Variants in CSMD1 observed in about 807,000 individuals in gnomAD.
The protein encoded by CSMD1 is CUB and Sushi multiple domains 1, also known as CUB and sushi domain-containing protein 1.
A neutral mutation model predicts 417.5 loss-of-function variants in CSMD1; 213 were observed. That is an observed-to-expected ratio of 0.51 (90% CI 0.46 to 0.57). The LOEUF is 0.57. Ranked by LOEUF, CSMD1 falls within the 20% of genes least tolerant of loss-of-function variation. The probability of loss-of-function intolerance (pLI) is 0.00; values close to 1 mark genes in which losing one functional copy is unlikely to be tolerated. For missense variants in CSMD1, 6,923 were observed against 4,529.7 expected (o/e 1.53, Z -15.17); for synonymous variants, 2,862 against 1,736.8 (o/e 1.65, Z -16.11).
At chr8:4,403,371 C>G (rs563416558) in intron 3 of CSMD1, among the ~76,000 whole-genome samples, 1 of 152,250 alleles carries the variant, frequency 6.6e-6, no homozygotes, top group East Asian at 1.9e-4. Flanking sequence ...CTCTACTTGA[C>G]CTCTCTAACT....
At chr8:3,633,930 A>G in intron 7 of CSMD1, among the ~76,000 whole-genome samples, 1 of 152,214 alleles carries the variant, frequency 6.6e-6, no homozygotes, top group Admixed American at 6.5e-5. Flanking sequence ...AATACATAAA[A>G]TATATCATTC....
chr8:4,469,331 GAA>G (rs1322946092), intron 2 of CSMD1, among the ~76,000 whole-genome samples: 9 of 152,156 alleles, frequency 5.9e-5, no homozygotes, highest in South Asian at 4.1e-4. Context: ...TCGGCTTTCT[GAA>G]AAGTCTTGTT....
intron 2 of CSMD1, among the ~76,000 whole-genome samples, chr8:4,433,781 T>A (rs747884707): frequency 6.6e-6 from 1 of 152,152 alleles, no homozygotes; most frequent in Non-Finnish European, 1.5e-5. Flanking sequence ...AGTTTAAAAT[T>A]TGTGTCTATT....
At chr8:3,904,512 T>C (rs894360682) in intron 5 of CSMD1, among the ~76,000 whole-genome samples, 3 of 152,200 alleles carry the variant, frequency 2.0e-5, no homozygotes, top group Non-Finnish European at 4.4e-5. Flanking sequence ...TATTCCACAT[T>C]TCTAAGAAAC....
chr8:3,911,872 A>G (rs1808487832), intron 5 of CSMD1, among the ~76,000 whole-genome samples: 1 of 152,304 alleles, frequency 6.6e-6, no homozygotes, highest in East Asian at 1.9e-4. Flanking sequence ...TCTGTGTTCC[A>G]TCTTCTTACC....
chr8:4,089,115 C>G (rs528500064), intron 3 of CSMD1, among the ~76,000 whole-genome samples: 2 of 152,194 alleles, frequency 1.3e-5, no homozygotes, highest in East Asian at 1.9e-4. Flanking sequence ...TAACACAATC[C>G]TCTCAGGGAT....
At chr8:4,314,744 C>T (rs1284274717) in intron 3 of CSMD1, among the ~76,000 whole-genome samples, 1 of 152,180 alleles carries the variant, frequency 6.6e-6, no homozygotes, top group Non-Finnish European at 1.5e-5. Flanking sequence ...CTCATTTACA[C>T]ATCTGACCCA....
intron 23 of CSMD1, among the ~76,000 whole-genome samples, chr8:3,318,488 G>C (rs1325660549): frequency 6.6e-6 from 1 of 152,296 alleles, no homozygotes. Flanking sequence ...AGTCTGTGTA[G>C]ATAAAAGATA....
At chr8:4,049,194 G>A (rs374458775) in intron 3 of CSMD1, among the ~76,000 whole-genome samples, 81 of 151,932 alleles carry the variant, frequency 5.3e-4, no homozygotes, top group Non-Finnish European at 1.1e-3. Context: ...TAGGTGTTGC[G>A]TCTTTCTCTA....
intron 1 of CSMD1, among the ~76,000 whole-genome samples, chr8:4,893,477 C>T (rs1474465647): frequency 6.6e-6 from 1 of 152,154 alleles, no homozygotes; most frequent in East Asian, 1.9e-4. Context: ...TCTTTAAGAG[C>T]TTCCCAATTA....
In CSMD1 at chr8:3,577,762, A is replaced by C. The variant is rs191010928; in HGVS notation, c.1223-2696T>G. ...TGCCTTTCTAAATCTTCTCCAACCT[A>C]ATCATCTGCTTCTTTACCATCTGAT... On this transcript the variant is annotated intron_variant, in intron 9 of 69. Transcript: ENST00000635120. 9.2e-5 allele frequency among the ~76,000 whole-genome samples: 14 copies of C among 152,232 alleles called. No individual in the cohort carries two copies. In the East Asian group the frequency reaches 2.5e-3, roughly 27 times the overall value.
intron 29 of CSMD1, 33 bp from the exon 30 acceptor site, chr8:3,214,724 G>T (rs375412570): frequency 6.7e-7 from 1 of 1,494,698 alleles, no homozygotes; most frequent in Non-Finnish European, 9.0e-7. Context: ...CTGCATGAGA[G>T]CAGGGATCTT....
intron 3 of CSMD1, among the ~76,000 whole-genome samples, chr8:4,349,430 A>C (rs1370358371): frequency 6.6e-6 from 1 of 152,196 alleles, no homozygotes; most frequent in African/African-American, 2.4e-5. Context: ...AATGATAGAG[A>C]AAAGTCAGAT....
intron 2 of CSMD1, among the ~76,000 whole-genome samples, chr8:4,570,497 G>A (rs868152968): frequency 6.6e-6 from 1 of 152,150 alleles, no homozygotes; most frequent in Non-Finnish European, 1.5e-5. Context: ...ACTGGATCAT[G>A]TTGGATAAGC....
At chr8:3,821,610 T>A (rs138294939) in intron 5 of CSMD1, among the ~76,000 whole-genome samples, 5,238 of 152,140 alleles carry the variant, frequency 0.034, 307 homozygotes, top group African/African-American at 0.12. Context: ...AGTGAAACCC[T>A]GTCTCTACTA....
chr8:4,803,879 G>C (rs1459447243), intron 1 of CSMD1, among the ~76,000 whole-genome samples: 1 of 152,126 alleles, frequency 6.6e-6, no homozygotes. Flanking sequence ...TTTAATGAGA[G>C]CCAAGTGTTA....
intron 3 of CSMD1, among the ~76,000 whole-genome samples, chr8:4,197,556 C>T (rs1253649227): frequency 2.0e-5 from 3 of 152,152 alleles, no homozygotes; most frequent in Non-Finnish European, 4.4e-5. Flanking sequence ...AACACTGGTT[C>T]TATTTCTTTG....
intron 51 of CSMD1, among the ~76,000 whole-genome samples, chr8:3,028,311 G>C (rs546196079): frequency 6.6e-6 from 1 of 152,158 alleles, no homozygotes; most frequent in South Asian, 2.1e-4. Context: ...GTGCACGACT[G>C]GCAAGAATGT....
chr8:3,810,338 T>C (rs530087466), intron 5 of CSMD1, among the ~76,000 whole-genome samples: 24 of 152,112 alleles, frequency 1.6e-4, no homozygotes, highest in Non-Finnish European at 2.6e-4. Flanking sequence ...GGGAAAGAAA[T>C]AGTGCTTCTC....
Sources: gnomAD v4.1 joint callset for allele counts (sites outside exome capture counted in the v4.1 genomes callset) on GRCh38, gnomAD v4.1.1 for gene constraint, MANE v1.5 for transcripts, NCBI Gene and HGNC (gene_info 2026-07-23, HGNC 2026-07-21) for gene names.